Variants in IL1RAPL1 observed in about 807,000 individuals in gnomAD.
IL1RAPL1 encodes the protein interleukin 1 receptor accessory protein like 1.
IL1RAPL1 carries 3 observed loss-of-function variants against 48.4 expected under a neutral mutation model. The ratio of observed to expected loss-of-function variants is 0.06; its 90% CI spans 0.03 to 0.16. IL1RAPL1 has a LOEUF of 0.16. IL1RAPL1 is among the 10% of genes least tolerant of loss of function. The pLI is 1.00. For synonymous variants in IL1RAPL1, 185 were observed against 187.7 expected (o/e 0.99, Z 0.12); for missense variants, 349 against 530.6 (o/e 0.66, Z 3.36).
intron 1 of IL1RAPL1, among the ~76,000 whole-genome samples, chrX:28,759,078 A>C (rs111532725): frequency 0.021 from 2,285 of 110,920 alleles, 62 homozygotes; most frequent in African/African-American, 0.071. Context: ...TTCTACTAAA[A>C]ATACCAAAAA....
intron 2 of IL1RAPL1, among the ~76,000 whole-genome samples, chrX:29,244,926 G>GC (rs1931483158): frequency 9.4e-6 from 1 of 106,947 alleles, no homozygotes. Flanking sequence ...CTCTCCCCTA[G>GC]CCCCCCACCC....
chrX:29,885,685 G>A (rs912951198), intron 6 of IL1RAPL1, among the ~76,000 whole-genome samples: 10 of 111,247 alleles, frequency 9.0e-5, no homozygotes, highest in Non-Finnish European at 5.7e-5. Flanking sequence ...TGAGTGTGGT[G>A]GCATGCACCC....
chrX:29,534,669 G>A (rs186814003), intron 5 of IL1RAPL1, among the ~76,000 whole-genome samples: 38 of 109,522 alleles, frequency 3.5e-4, no homozygotes, highest in African/African-American at 1.2e-3. Flanking sequence ...ACCTCATCTC[G>A]ACAAAAAAGA....
intron 6 of IL1RAPL1, among the ~76,000 whole-genome samples, chrX:29,759,062 A>G (rs931118745): frequency 7.1e-5 from 8 of 112,438 alleles, no homozygotes; most frequent in Non-Finnish European, 1.5e-4. Flanking sequence ...ATTACATTGG[A>G]CAGTAATGTC....
chrX:29,030,671 A>G (rs61437931), intron 2 of IL1RAPL1, among the ~76,000 whole-genome samples: 1 of 111,468 alleles, frequency 9.0e-6, no homozygotes, highest in East Asian at 2.8e-4. Context: ...TATGTTGAAC[A>G]TGGTAGTTTG....
chrX:29,376,560 A>G (rs1933626397), intron 3 of IL1RAPL1, among the ~76,000 whole-genome samples: 1 of 109,694 alleles, frequency 9.1e-6, no homozygotes, highest in African/African-American at 3.3e-5. Context: ...TTTTGTAGAG[A>G]TGGGGTTTCA....
intron 2 of IL1RAPL1, among the ~76,000 whole-genome samples, chrX:29,182,113 C>G (rs752176559): frequency 4.6e-5 from 5 of 108,205 alleles, no homozygotes; most frequent in South Asian, 4.1e-4. Context: ...TGCCCCCCCC[C>G]ACCCCATGCC....
chrX:29,191,976 A>C (rs1930360467), intron 2 of IL1RAPL1, among the ~76,000 whole-genome samples: 1 of 110,574 alleles, frequency 9.0e-6, no homozygotes, highest in African/African-American at 3.3e-5. Flanking sequence ...TTTGAGACCA[A>C]CTCCAATGCA....
intron 6 of IL1RAPL1, among the ~76,000 whole-genome samples, chrX:29,776,637 G>A (rs944584820): frequency 9.9e-5 from 11 of 111,522 alleles, no homozygotes; most frequent in African/African-American, 3.6e-4. Context: ...TGCAGGCTGG[G>A]GCAGAGAAGA....
rs757667526 is a variant in IL1RAPL1 at position 29,420,770 on chromosome X, T to C, written c.703+21462T>C. Among the ~76,000 whole-genome samples, 51 of 112,601 alleles carry C rather than the reference T, an allele frequency of 4.5e-4. 1 individual carries two copies. In the East Asian group the frequency reaches 0.012, roughly 28 times the overall value. Reference sequence around the variant, plus strand: ...TGCTATTGTAGATAGCTAAATGTGATTTTAGTCTTTATCACAAACTTCTTA... The same window carrying C: ...TGCTATTGTAGATAGCTAAATGTGACTTTAGTCTTTATCACAAACTTCTTA... On this transcript the variant is annotated intron_variant, in intron 5 of 10. Coordinates refer to ENST00000378993, the MANE Select transcript of IL1RAPL1 (RefSeq NM_014271.4).
At chrX:29,853,737 A>G (rs749443426) in intron 6 of IL1RAPL1, among the ~76,000 whole-genome samples, 2 of 111,782 alleles carry the variant, frequency 1.8e-5, no homozygotes, top group Non-Finnish European at 3.8e-5. Context: ...TCTATTCCTG[A>G]TGGTGTAAAA....
At chrX:29,684,338 C>T (rs1926554616) in intron 6 of IL1RAPL1, among the ~76,000 whole-genome samples, 1 of 111,180 alleles carries the variant, frequency 9.0e-6, no homozygotes, top group African/African-American at 3.3e-5. Context: ...AAGCAGCTCT[C>T]TAACCCCTCT....
chrX:28,610,718 GGTATACA>G (rs1168944993), intron 1 of IL1RAPL1, among the ~76,000 whole-genome samples: 2 of 110,827 alleles, frequency 1.8e-5, no homozygotes, highest in Non-Finnish European at 3.8e-5. Flanking sequence ...AACTGAATTA[GGTATACA>G]GTCCTAGAAG....
chrX:28,799,113 T>C (rs1233712826), intron 2 of IL1RAPL1, among the ~76,000 whole-genome samples: 1 of 111,202 alleles, frequency 9.0e-6, no homozygotes, highest in Non-Finnish European at 1.9e-5. Context: ...TCAATTGAAA[T>C]AGATGATCAA....
At chrX:29,333,237 G>A (rs1602176663) in intron 3 of IL1RAPL1, among the ~76,000 whole-genome samples, 1 of 107,222 alleles carries the variant, frequency 9.3e-6, no homozygotes, top group Admixed American at 9.6e-5. Context: ...GGGCAGAAGC[G>A]CCCCTCACCT....
intron 2 of IL1RAPL1, among the ~76,000 whole-genome samples, chrX:29,052,947 G>C (rs181056200): frequency 2.7e-5 from 3 of 111,584 alleles, no homozygotes; most frequent in African/African-American, 9.8e-5. Flanking sequence ...TGTCATGGGG[G>C]TTTGTTGTAC....
rs142404959 is a variant in IL1RAPL1, at chrX:29,814,570, G to A, written c.779-102894G>A. Among the ~76,000 whole-genome samples the A allele has an allele frequency of 3.7e-3, 414 of 111,241 alleles. 2 individuals are homozygous for A. Among genetic ancestry groups the A allele is most frequent in the African/African-American group, 0.013 (389 of 30,634 alleles). ...GTTGATAGTTTCTTATGCTGTGCAG[G>A]AGCTTAGTTTGATTAGATCCCACTT... is the stretch of plus-strand genomic sequence containing the variant. On this transcript the variant is annotated intron_variant, in intron 6 of 10. Transcript: ENST00000378993.
intron 6 of IL1RAPL1, among the ~76,000 whole-genome samples, chrX:29,859,748 T>TA (rs1931541309): frequency 8.9e-6 from 1 of 112,239 alleles, no homozygotes; most frequent in African/African-American, 3.2e-5. Flanking sequence ...CGTTGGTTTT[T>TA]ACCATAAGAC....
intron 2 of IL1RAPL1, among the ~76,000 whole-genome samples, chrX:28,954,786 A>G (rs1333080916): frequency 9.0e-6 from 1 of 111,692 alleles, no homozygotes; most frequent in Non-Finnish European, 1.9e-5. Context: ...TAAGAGGCCT[A>G]AAAATGACTA....
Sources: allele counts gnomAD v4.1 joint callset (sites outside exome capture counted in the v4.1 genomes callset), GRCh38; gene constraint gnomAD v4.1.1; transcripts MANE v1.5; gene names NCBI Gene and HGNC (gene_info 2026-07-23, HGNC 2026-07-21).